MBD5: variants seen among roughly 807,000 people sequenced by gnomAD.
MBD5 encodes the protein methyl-CpG binding domain protein 5.
MBD5 carries 13 observed loss-of-function variants against 117.3 expected under a neutral mutation model. The ratio of observed to expected loss-of-function variants is 0.11; its 90% confidence interval spans 0.07 to 0.18. The LOEUF (loss-of-function observed/expected upper bound fraction) is 0.18. Among genes scored for constraint, MBD5 ranks in the 10% least tolerant of loss-of-function variants. MBD5 has a pLI of 1.00. For synonymous variants in MBD5, 727 were observed against 766.4 expected (o/e 0.95, Z 0.85); for missense variants, 1,879 against 2,093.8 (o/e 0.90, Z 2.00).
intron 1 of MBD5, among the ~76,000 whole-genome samples, chr2:148,099,026 G>A (rs1177972885): frequency 5.9e-5 from 9 of 152,142 alleles, no homozygotes; most frequent in Non-Finnish European, 1.2e-4. Flanking sequence ...CTGTACTCCA[G>A]CCTGGGTGAC....
At chr2:148,455,968 C>G (rs1706866464) in intron 4 of MBD5, among the ~76,000 whole-genome samples, 1 of 152,012 alleles carries the variant, frequency 6.6e-6, no homozygotes, top group Non-Finnish European at 1.5e-5. Context: ...AAGTTCATAC[C>G]ACTTTCACAA....
rs189533576 is a variant in MBD5, at chr2:148,050,493, A to T, written c.-925+28809A>T. Among the ~76,000 whole-genome samples, 94 of 152,026 alleles carry T rather than the reference A, an allele frequency of 6.2e-4. 3 individuals carry two copies. The highest frequency in any genetic ancestry group is 5.3e-3 in the Admixed American group (81 of 15,268). On this transcript the variant is annotated intron_variant, in intron 1 of 13. Coordinates refer to ENST00000642680, the MANE Select transcript of MBD5 (RefSeq NM_001378120.1). ...GACCCTTATCATATATGATTGCAATATTTTCTCCCATTCTGTGTGCTGTCT... is the reference window on the plus strand; with the variant it reads ...GACCCTTATCATATATGATTGCAATTTTTTCTCCCATTCTGTGTGCTGTCT...
Position 148,486,074 on chromosome 2 carries a change from C to T in MBD5, c.3753+124C>T. ...CTTTCACCTCTATTTACTGTTATTT[C>T]TCAGTCATGAGTATTGTTAAACATT... On this transcript the variant is annotated intron_variant, in intron 10 of 13. Transcript: ENST00000642680. 3 of 872,994 alleles carry T rather than the reference C, an allele frequency of 3.4e-6. No individual in the cohort carries two copies. The South Asian group carries it at 4.2e-5, about 12-fold the overall frequency. The allele number at this position is 872,994 out of a possible 1,614,324, so 54.1% of individuals were successfully genotyped here.
chr2:148,219,390 A>G (rs1294752908), intron 2 of MBD5, among the ~76,000 whole-genome samples: 1 of 152,040 alleles, frequency 6.6e-6, no homozygotes, highest in East Asian at 1.9e-4. Context: ...TTTTTTTTTA[A>G]TAAGTAGAAG....
intron 3 of MBD5, among the ~76,000 whole-genome samples, chr2:148,257,698 G>A (rs747930366): frequency 1.8e-4 from 28 of 152,160 alleles, no homozygotes; most frequent in Admixed American, 7.2e-4. Context: ...AGCTAAATCC[G>A]TGGCAACTAG....
intron 1 of MBD5, among the ~76,000 whole-genome samples, chr2:148,161,824 TACAA>T (rs1243467572): frequency 6.6e-6 from 1 of 152,226 alleles, no homozygotes; most frequent in African/African-American, 2.4e-5. Context: ...ATTGAGAACT[TACAA>T]ACTACATTAC....
chr2:148,092,835 C>A (rs368867480), intron 1 of MBD5, among the ~76,000 whole-genome samples: 1 of 150,468 alleles, frequency 6.6e-6, no homozygotes, highest in African/African-American at 2.4e-5. Flanking sequence ...AAAATTTAAA[C>A]AAAACAAAAC....
intron 4 of MBD5, among the ~76,000 whole-genome samples, chr2:148,379,248 C>T (rs776311901): frequency 2.0e-5 from 3 of 151,892 alleles, no homozygotes; most frequent in Non-Finnish European, 4.4e-5. Context: ...AAAAAAGATG[C>T]TCAAAGCAGC....
chr2:148,487,915 T>A (rs968241541), intron 10 of MBD5, among the ~76,000 whole-genome samples: 1 of 152,184 alleles, frequency 6.6e-6, no homozygotes, highest in African/African-American at 2.4e-5. Flanking sequence ...AATAGGGCAG[T>A]GCCCCAGCAG....
chr2:148,149,505 G>A (rs1412967252), intron 1 of MBD5, among the ~76,000 whole-genome samples: 4 of 149,696 alleles, frequency 2.7e-5, no homozygotes, highest in Admixed American at 6.7e-5. Context: ...GATCCCTGAG[G>A]AATCGCCACA....
chr2:148,072,476 G>A (rs1291847498), intron 1 of MBD5, among the ~76,000 whole-genome samples: 1 of 152,122 alleles, frequency 6.6e-6, no homozygotes, highest in East Asian at 1.9e-4. Flanking sequence ...GTTATATAGT[G>A]TAAACAAAAG....
chr2:148,152,791 G>A (rs1469726093), intron 1 of MBD5, among the ~76,000 whole-genome samples: 1 of 151,190 alleles, frequency 6.6e-6, no homozygotes, highest in African/African-American at 2.4e-5. Context: ...CCATTTGCTT[G>A]GTAGATCTTC....
chr2:148,038,956 CTG>C (rs1694279562), intron 1 of MBD5, among the ~76,000 whole-genome samples: 1 of 152,056 alleles, frequency 6.6e-6, no homozygotes, highest in Non-Finnish European at 1.5e-5. Flanking sequence ...AGTAAATAAA[CTG>C]TTTGAAAATT....
At chr2:148,238,744 T>A (rs759930489) in intron 3 of MBD5, among the ~76,000 whole-genome samples, 7 of 152,104 alleles carry the variant, frequency 4.6e-5, no homozygotes, top group Non-Finnish European at 8.8e-5. Context: ...GCCAGCAATT[T>A]TTGGCATTCC....
In MBD5 at chr2:148,163,908, A is replaced by G. The variant is rs1244816692; in HGVS notation, c.-924-14792A>G. 8.5e-5 allele frequency among the ~76,000 whole-genome samples: 13 copies of G among 152,208 alleles called. 1 individual carries two copies. The highest frequency in any genetic ancestry group is 1.9e-4 in the Non-Finnish European group (13 of 68,028). ...TAACCACTTTTATATAATGATTAGTATGGGGAAAATGCATTCTAATTACCA... is the reference window on the plus strand; with the variant it reads ...TAACCACTTTTATATAATGATTAGTGTGGGGAAAATGCATTCTAATTACCA... On this transcript the variant is annotated intron_variant, in intron 1 of 13. Transcript: ENST00000642680.
At chr2:148,278,199 G>A (rs979866920) in intron 3 of MBD5, among the ~76,000 whole-genome samples, 33 of 152,148 alleles carry the variant, frequency 2.2e-4, no homozygotes, top group African/African-American at 5.8e-4. Flanking sequence ...AAGTTCATTC[G>A]TATTGTTATT....
intron 4 of MBD5, chr2:148,447,816 T>G (rs990054166): frequency 2.6e-5 from 4 of 152,176 alleles, no homozygotes; most frequent in Admixed American, 6.6e-5. Context: ...ATATTATTAT[T>G]CTTAAACCAT....
intron 1 of MBD5, among the ~76,000 whole-genome samples, chr2:148,153,216 T>C (rs1265058728): frequency 6.6e-6 from 1 of 151,612 alleles, no homozygotes; most frequent in Non-Finnish European, 1.5e-5. Context: ...TTTGGCTGGC[T>C]ATGAAATTCT....
chr2:148,346,376 T>G (rs1454138293), intron 4 of MBD5: 1 of 152,038 alleles, frequency 6.6e-6, no homozygotes, highest in African/African-American at 2.4e-5. Context: ...TGATATATTC[T>G]TAAAAATGGA....
Sources: allele counts gnomAD v4.1 joint callset (sites outside exome capture counted in the v4.1 genomes callset), GRCh38; gene constraint gnomAD v4.1.1; transcripts MANE v1.5; gene names NCBI Gene and HGNC (gene_info 2026-07-23, HGNC 2026-07-21).